Variants in ZBTB20 observed in about 807,000 individuals in gnomAD.
ZBTB20 encodes zinc finger and BTB domain-containing protein 20.
A neutral mutation model predicts 56.9 loss-of-function variants in ZBTB20; 9 were observed. That is an observed-to-expected ratio of 0.16 (90% CI 0.10 to 0.28). ZBTB20 has a LOEUF of 0.28. Ranked by LOEUF, ZBTB20 falls within the 10% of genes least tolerant of loss-of-function variation. The probability of loss-of-function intolerance (pLI) is 1.00; values close to 1 mark genes in which losing one functional copy is unlikely to be tolerated. For synonymous variants in ZBTB20, 417 were observed against 420.7 expected (o/e 0.99, Z 0.11); for missense variants, 655 against 1,003.0 (o/e 0.65, Z 4.69).
intron 1 of ZBTB20, among the ~76,000 whole-genome samples, chr3:115,103,706 T>G (rs1345678341): frequency 6.6e-6 from 1 of 152,166 alleles, no homozygotes; most frequent in Non-Finnish European, 1.5e-5. Context: ...TAACTCAAAA[T>G]GGATGGATCA....
intron 5 of ZBTB20, among the ~76,000 whole-genome samples, chr3:114,728,350 G>T (rs1436766971): frequency 6.6e-6 from 1 of 152,166 alleles, no homozygotes; most frequent in Non-Finnish European, 1.5e-5. Context: ...CCATTAGAAG[G>T]TGAAAGAATT....
In ZBTB20 at chr3:114,339,147, G is replaced by T. The variant is rs765247047; in HGVS notation, c.2084C>A (p.Thr695Lys). ...GGGGCCAGCGCGGGCACCTGGGGGT[G>T]TGCCTGCAGGGGGGGTCCCATTGCT... ...SASNGTPPAG[T>K]PPGARAGPPG... Residue 695 changes from threonine (T) to lysine (K), a missense_variant, in exon 12 of 12, where the codon ACA (threonine) becomes AAA (lysine). Thr to Lys is a moderately conservative substitution (Grantham distance 78). This residue lies in a region of ZBTB20 where 89 missense variants were observed against 79.7 expected (regional missense o/e 1.12). Coordinates refer to ENST00000675478, the MANE Select transcript of ZBTB20 (RefSeq NM_001348800.3). The surrounding 1 kb of genome is among the most constrained non-coding windows in gnomAD (Gnocchi z 4.2). 2.5e-6 allele frequency: 4 copies of T among 1,613,770 alleles called. No homozygotes were observed. The highest frequency in any genetic ancestry group is 2.5e-6 in the Non-Finnish European group (3 of 1,179,682).
intron 6 of ZBTB20, among the ~76,000 whole-genome samples, chr3:114,681,016 C>A (rs1218965171): frequency 6.6e-6 from 1 of 152,118 alleles, no homozygotes; most frequent in African/African-American, 2.4e-5. Flanking sequence ...CAAGAGAAGA[C>A]AGACTAACAT....
In ZBTB20 at chr3:115,119,335, A is replaced by C. The variant is rs1419498441; in HGVS notation, c.-703+27884T>G. Among the ~76,000 whole-genome samples the C allele has an allele frequency of 2.6e-5, 4 of 152,322 alleles. No individual in the cohort carries two copies. In the East Asian group the frequency reaches 7.7e-4, roughly 29 times the overall value. On this transcript the variant is annotated intron_variant, in intron 1 of 11. Transcript: ENST00000675478. ...ATTAACCCTTTTGTACTCATCACTAAAATGAGGGAAATAAAAGGACCTATA... is the reference window on the plus strand; with the variant it reads ...ATTAACCCTTTTGTACTCATCACTACAATGAGGGAAATAAAAGGACCTATA...
chr3:114,960,420 A>G (rs2077405962), intron 3 of ZBTB20, among the ~76,000 whole-genome samples: 1 of 152,228 alleles, frequency 6.6e-6, no homozygotes. Context: ...ACGGAATCCT[A>G]AAGAGCTGGG....
At chr3:114,994,912 A>C (rs982661132) in intron 2 of ZBTB20, among the ~76,000 whole-genome samples, 2 of 151,868 alleles carry the variant, frequency 1.3e-5, no homozygotes, top group Non-Finnish European at 2.9e-5. Flanking sequence ...TTCTCTTAAA[A>C]ATTTTAAATA....
At chr3:114,894,348 C>T (rs903770950) in intron 4 of ZBTB20, among the ~76,000 whole-genome samples, 1 of 152,178 alleles carries the variant, frequency 6.6e-6, no homozygotes, top group South Asian at 2.1e-4. Context: ...TACATATACA[C>T]TCACATAAAT....
At chr3:114,831,554 C>T (rs936700214) in intron 4 of ZBTB20, among the ~76,000 whole-genome samples, 9 of 151,970 alleles carry the variant, frequency 5.9e-5, no homozygotes, top group Admixed American at 6.6e-5. Flanking sequence ...ATTCATATAG[C>T]GCTTACAGCC....
chr3:114,442,345 C>G (rs1037645973), intron 7 of ZBTB20, among the ~76,000 whole-genome samples: 1 of 152,126 alleles, frequency 6.6e-6, no homozygotes, highest in Non-Finnish European at 1.5e-5. Context: ...ATTATCTGTA[C>G]TATCAAGATA....
chr3:114,590,226 G>A (rs977972823), intron 6 of ZBTB20, among the ~76,000 whole-genome samples: 2 of 152,036 alleles, frequency 1.3e-5, no homozygotes, highest in African/African-American at 4.8e-5. Context: ...AGGGCGAGGC[G>A]GGCGGATCAC....
In ZBTB20 at chr3:114,858,480, T is replaced by C. The variant is rs2075346667; in HGVS notation, c.-417+41824A>G. ...CATTTTACATTTTCTCTTTACATAG[T>C]GCAATAAAAAGGAAGCACCTGCAGT... On this transcript the variant is annotated intron_variant, in intron 4 of 11. Transcript: ENST00000675478. 2.0e-5 allele frequency among the ~76,000 whole-genome samples: 3 copies of C among 152,160 alleles called. No homozygotes were observed. The South Asian group carries it at 6.2e-4, about 32-fold the overall frequency.
chr3:114,777,117 G>A (rs186330347), intron 5 of ZBTB20, among the ~76,000 whole-genome samples: 1 of 152,044 alleles, frequency 6.6e-6, no homozygotes, highest in African/African-American at 2.4e-5. Flanking sequence ...TCCTCTATCT[G>A]CACTTGAGGT....
Position 115,139,626 on chromosome 3 carries a change from T to C in ZBTB20, c.-703+7593A>G, listed in dbSNP as rs188804968. 2.3e-3 allele frequency among the ~76,000 whole-genome samples: 356 copies of C among 152,184 alleles called. 2 individuals carry two copies. Among genetic ancestry groups the C allele is most frequent in the African/African-American group, 8.4e-3 (350 of 41,580 alleles). On this transcript the variant is annotated intron_variant, in intron 1 of 11. Transcript: ENST00000675478. Reference sequence around the variant, plus strand: ...TTCCTGATTACTCAATGTATACCTATGTTTTGCTTAGAGAAGAGAATCACA... The same window carrying C: ...TTCCTGATTACTCAATGTATACCTACGTTTTGCTTAGAGAAGAGAATCACA...
At chr3:114,834,517 A>C (rs1447199119) in intron 4 of ZBTB20, among the ~76,000 whole-genome samples, 2 of 152,184 alleles carry the variant, frequency 1.3e-5, no homozygotes, top group African/African-American at 2.4e-5. Context: ...GAAAAGTAAA[A>C]ATTCAATAAA....
At chr3:114,495,890 A>G (rs1056164090) in intron 7 of ZBTB20, among the ~76,000 whole-genome samples, 5 of 152,250 alleles carry the variant, frequency 3.3e-5, no homozygotes, top group African/African-American at 1.2e-4. Context: ...TAAAATAGGC[A>G]AAGCCCTTCT....
rs184140765 is a variant in ZBTB20 at position 114,882,926 on chromosome 3, G to A, written c.-417+17378C>T. ...AAGATTGTTCAGTGTAATGGTAAAT[G>A]GTGAAAGGTATATACATGGAAGTAA... On this transcript the variant is annotated intron_variant, in intron 4 of 11. Transcript: ENST00000675478. Among the ~76,000 whole-genome samples the A allele has an allele frequency of 2.4e-3, 360 of 152,200 alleles. 1 individual carries two copies. The highest frequency in any genetic ancestry group is 2.5e-3 in the Non-Finnish European group (171 of 67,956).
At chr3:114,546,210 G>A (rs1034896607) in intron 6 of ZBTB20, among the ~76,000 whole-genome samples, 1 of 152,308 alleles carries the variant, frequency 6.6e-6, no homozygotes, top group East Asian at 1.9e-4. Flanking sequence ...AGTCACACTT[G>A]TGCTTTGTTG....
intron 2 of ZBTB20, among the ~76,000 whole-genome samples, chr3:114,994,718 C>T (rs1159076565): frequency 6.6e-6 from 1 of 151,920 alleles, no homozygotes; most frequent in African/African-American, 2.4e-5. Context: ...GACACTGCCA[C>T]ACTTATTTCC....
chr3:115,050,735 T>C (rs1388679546), intron 2 of ZBTB20, among the ~76,000 whole-genome samples: 2 of 152,082 alleles, frequency 1.3e-5, no homozygotes, highest in East Asian at 1.9e-4. Context: ...GAAACTTTTA[T>C]GTGCAGATGA....
Sources: gnomAD v4.1 joint callset for allele counts (sites outside exome capture counted in the v4.1 genomes callset) on GRCh38, gnomAD v4.1.1 for gene constraint, gnomAD v4.1.1 regional missense constraint, Gnocchi (gnomAD v3.1) non-coding constraint, MANE v1.5 for transcripts, NCBI Gene and HGNC (gene_info 2026-07-23, HGNC 2026-07-21) for gene names.